PDSS2: variants seen among roughly 807,000 people sequenced by gnomAD.
PDSS2 encodes decaprenyl diphosphate synthase subunit 2, also known as all trans-polyprenyl-diphosphate synthase PDSS2.
A neutral mutation model predicts 44.5 loss-of-function variants in PDSS2; 31 were observed. The ratio of observed to expected loss-of-function variants is 0.70; its 90% confidence interval spans 0.52 to 0.94. The LOEUF (loss-of-function observed/expected upper bound fraction) is 0.94, where lower values mean the gene tolerates loss of function less well. PDSS2 is among the 40% of genes least tolerant of loss of function. The pLI, the probability that PDSS2 is intolerant of heterozygous loss-of-function variation, is 0.00. For synonymous variants in PDSS2, 157 were observed against 180.3 expected, an observed-to-expected ratio of 0.87 and a Z score of 1.03; for missense variants, 452 against 482.2, an observed-to-expected ratio of 0.94 and a Z score of 0.59.
chr6:107,230,849 A>C (rs1774024557), intron 4 of PDSS2, among the ~76,000 whole-genome samples: 1 of 152,148 alleles, frequency 6.6e-6, no homozygotes, highest in East Asian at 1.9e-4. Context: ...CTGCGAAAAA[A>C]ATGACCCCAA....
intron 2 of PDSS2, among the ~76,000 whole-genome samples, chr6:107,292,348 C>G (rs995621875): frequency 2.6e-5 from 4 of 152,104 alleles, no homozygotes; most frequent in Non-Finnish European, 5.9e-5. Context: ...GACTTGCATT[C>G]ATTTCCTCCC....
At chr6:107,224,718 T>C (rs1340147417) in intron 4 of PDSS2, among the ~76,000 whole-genome samples, 1 of 151,474 alleles carries the variant, frequency 6.6e-6, no homozygotes, top group Admixed American at 6.6e-5. Flanking sequence ...AGATAAAAAA[T>C]GGTTACACTA....
At chr6:107,441,797 T>C (rs2114807599) in intron 1 of PDSS2, among the ~76,000 whole-genome samples, 1 of 152,246 alleles carries the variant, frequency 6.6e-6, no homozygotes, top group East Asian at 1.9e-4. Flanking sequence ...TTCTGTGAGG[T>C]CTAAGCAGGC....
chr6:107,339,831 A>G (rs1778024750), intron 1 of PDSS2, among the ~76,000 whole-genome samples: 1 of 152,206 alleles, frequency 6.6e-6, no homozygotes, highest in South Asian at 2.1e-4. Context: ...CCCAGGATGA[A>G]CAGACCATAA....
intron 2 of PDSS2, among the ~76,000 whole-genome samples, chr6:107,292,332 C>A (rs769473399): frequency 5.9e-5 from 9 of 151,896 alleles, no homozygotes; most frequent in Non-Finnish European, 1.2e-4. Flanking sequence ...CACAGCTTAA[C>A]ACAAAGACTT....
chr6:107,442,005 A>C, intron 1 of PDSS2, among the ~76,000 whole-genome samples: 1 of 152,222 alleles, frequency 6.6e-6, no homozygotes, highest in Non-Finnish European at 1.5e-5. Context: ...ACTTCCTGAC[A>C]GCAGTGCTGT....
At chr6:107,433,077 A>AT (rs34102454) in intron 1 of PDSS2, among the ~76,000 whole-genome samples, 7 of 151,578 alleles carry the variant, frequency 4.6e-5, no homozygotes, top group Admixed American at 1.3e-4. Context: ...CAGGAAAAAA[A>AT]TTTTTTTTTA....
At chr6:107,388,799 C>T (rs1395218270) in intron 1 of PDSS2, among the ~76,000 whole-genome samples, 1 of 152,092 alleles carries the variant, frequency 6.6e-6, no homozygotes, top group South Asian at 2.1e-4. Context: ...AATCAAAGAA[C>T]TGGAAGCAAC....
At chr6:107,386,386 A>AC (rs1330554751) in intron 1 of PDSS2, among the ~76,000 whole-genome samples, 1 of 151,918 alleles carries the variant, frequency 6.6e-6, no homozygotes, top group Non-Finnish European at 1.5e-5. Context: ...TTCTAAAAAA[A>AC]AAAAAAACAA....
chr6:107,157,671 C>T (rs564453343), intron 7 of PDSS2, among the ~76,000 whole-genome samples: 2 of 151,028 alleles, frequency 1.3e-5, no homozygotes, highest in African/African-American at 4.9e-5. Flanking sequence ...ATTGTTTTAG[C>T]GTTTTTGTTT....
chr6:107,454,639 CTT>C (rs397812708), intron 1 of PDSS2, among the ~76,000 whole-genome samples: 1 of 145,874 alleles, frequency 6.9e-6, no homozygotes. Context: ...TGGTGGTTTC[CTT>C]TTTTTTTTTC....
intron 1 of PDSS2, among the ~76,000 whole-genome samples, chr6:107,395,997 C>G (rs1234061770): frequency 6.6e-6 from 1 of 152,186 alleles, no homozygotes; most frequent in Non-Finnish European, 1.5e-5. Context: ...ATTCCCACTA[C>G]AAAGGTGTGA....
At chr6:107,284,355 A>C (rs1177067214) in intron 2 of PDSS2, among the ~76,000 whole-genome samples, 1 of 152,052 alleles carries the variant, frequency 6.6e-6, no homozygotes. Flanking sequence ...TGGACCCAAC[A>C]TCCAGCTTTA....
intron 1 of PDSS2, among the ~76,000 whole-genome samples, chr6:107,437,885 T>C (rs1483549979): frequency 2.6e-5 from 4 of 152,168 alleles, no homozygotes; most frequent in Non-Finnish European, 5.9e-5. Flanking sequence ...AGGAAACAGG[T>C]TGGTGAAAAG....
intron 1 of PDSS2, among the ~76,000 whole-genome samples, chr6:107,437,427 A>T (rs758859232): frequency 8.6e-5 from 13 of 150,416 alleles, no homozygotes; most frequent in Non-Finnish European, 1.5e-4. Context: ...CAGGAGGCTG[A>T]GGTACAAGAA....
chr6:107,410,346 T>C (rs1449785282), intron 1 of PDSS2, among the ~76,000 whole-genome samples: 4 of 152,182 alleles, frequency 2.6e-5, no homozygotes, highest in Non-Finnish European at 5.9e-5. Context: ...ATCTTAGTCT[T>C]ACATAGTACG....
In PDSS2 at chr6:107,153,643, T is replaced by G. The variant is rs1290346060; in HGVS notation, c.*976A>C. ...TGATCTTCAGGAAAGAAAAACAGAC[T>G]ATTCCTAATATAACCAATTTAACAT... On this transcript the variant is annotated 3_prime_UTR_variant, in exon 8 of 8. Transcript: ENST00000369037. 6.6e-6 allele frequency: 1 copy of G among 152,652 alleles called. No individual in the cohort carries two copies. The highest frequency in any genetic ancestry group is 1.5e-5 in the Non-Finnish European group (1 of 68,048). 9.5% of individuals were successfully genotyped at this position (152,652 alleles called of 1,614,324 possible). A position where few individuals can be genotyped will look rare whatever the true frequency, so the allele number is the denominator to read the frequency against.
intron 7 of PDSS2, among the ~76,000 whole-genome samples, chr6:107,161,482 G>GAAAAA: frequency 8.4e-6 from 1 of 119,708 alleles, no homozygotes; most frequent in Non-Finnish European, 1.7e-5. Context: ...TCCGTCTCAG[G>GAAAAA]AAAAAAAAAA....
intron 2 of PDSS2, among the ~76,000 whole-genome samples, chr6:107,290,600 T>C (rs371939109): frequency 2.0e-5 from 3 of 152,306 alleles, no homozygotes; most frequent in East Asian, 3.9e-4. Flanking sequence ...CTAGCTTCTT[T>C]GTTATTCCTT....
Sources: gnomAD v4.1 joint callset for allele counts (sites outside exome capture counted in the v4.1 genomes callset) on GRCh38, gnomAD v4.1.1 for gene constraint, MANE v1.5 for transcripts, NCBI Gene and HGNC (gene_info 2026-07-23, HGNC 2026-07-21) for gene names.